NFKBIZ: variants seen among roughly 807,000 people sequenced by gnomAD.
NFKBIZ encodes the protein NFKB inhibitor zeta.
A neutral mutation model predicts 76.8 loss-of-function variants in NFKBIZ; 19 were observed. That is an observed-to-expected ratio of 0.25 (90% CI 0.17 to 0.36). NFKBIZ has a LOEUF of 0.36. Among genes scored for constraint, NFKBIZ ranks in the 10% least tolerant of loss-of-function variants. The probability of loss-of-function intolerance (pLI) is 1.00; values close to 1 mark genes in which losing one functional copy is unlikely to be tolerated. For synonymous variants in NFKBIZ, 368 were observed against 354.8 expected (o/e 1.04, Z -0.42); for missense variants, 829 against 910.9 (o/e 0.91, Z 1.16).
chr3:101,833,523 T>C lies in NFKBIZ; in HGVS notation c.-12+3835T>C, dbSNP rs1370555506. On this transcript the variant is annotated intron_variant, in intron 2 of 12. Transcript: ENST00000394054. ...GGCCATAAGAACTTTCTATGTTGTA[T>C]CTTTGCTATGGGAAAAGGAGGTGCG... Among the ~76,000 whole-genome samples the C allele has an allele frequency of 1.3e-5, 2 of 152,230 alleles. 1 individual carries two copies. The highest frequency in any genetic ancestry group is 2.9e-5 in the Non-Finnish European group (2 of 68,032).
At chr3:101,858,218 C>T in intron 11 of NFKBIZ, 1 of 985,102 alleles carries the variant, frequency 1.0e-6, no homozygotes, top group Non-Finnish European at 1.2e-6. Flanking sequence ...TGCAGTTTAG[C>T]TTTTTCTTTG....
chr3:101,848,664 CTG>C (rs1291255311), upstream of NFKBIZ, among the ~76,000 whole-genome samples: 1 of 152,154 alleles, frequency 6.6e-6, no homozygotes, highest in Non-Finnish European at 1.5e-5. Flanking sequence ...GCCAAAATTA[CTG>C]TGTTAGTTTA....
chr3:101,853,939 GGGTATAACAA>G, intron 5 of NFKBIZ, 76 bp downstream of exon 5: 2 of 1,430,986 alleles, frequency 1.4e-6, no homozygotes, highest in Non-Finnish European at 1.9e-6. Context: ...AATTTTTCTA[GGGTATAACAA>G]GGTATACCTT....
intron 2 of NFKBIZ, 116 bp downstream of exon 2, chr3:101,852,340 A>T: frequency 7.8e-7 from 1 of 1,280,406 alleles, no homozygotes; most frequent in East Asian, 2.3e-5. Flanking sequence ...TTTTCATAAG[A>T]TGACAAAGTC....
chr3:101,850,590 G>A (rs1158560854), intron 1 of NFKBIZ, among the ~76,000 whole-genome samples: 1 of 152,112 alleles, frequency 6.6e-6, no homozygotes, highest in African/African-American at 2.4e-5. Flanking sequence ...CATGGGCTGC[G>A]AATTGGTTTC....
At chr3:101,852,852 AATG>A in intron 3 of NFKBIZ, 31 bp from the exon 4 acceptor site, 6 of 1,605,570 alleles carry the variant, frequency 3.7e-6, no homozygotes, top group South Asian at 2.2e-5. Flanking sequence ...TATAAAATAA[AATG>A]ATGACAGAGG....
intron 1 of NFKBIZ, among the ~76,000 whole-genome samples, chr3:101,851,244 A>G (rs890417791): frequency 2.0e-5 from 3 of 152,274 alleles, no homozygotes; most frequent in Admixed American, 1.3e-4. Context: ...TTCAACACAC[A>G]TACTAAGAGG....
In NFKBIZ at chr3:101,853,767, G is replaced by A. The variant is rs1265520163; in HGVS notation, c.1241G>A (p.Gly414Glu). Residue 414 changes from glycine (G) to glutamate (E), a missense_variant, in exon 5 of 12, where the codon GGG becomes GAG. This residue lies in a region of NFKBIZ where 272 missense variants were observed against 384.2 expected (regional missense o/e 0.71). Coordinates refer to ENST00000326172, the MANE Select transcript of NFKBIZ (RefSeq NM_031419.4). Reference sequence around the variant, plus strand: ...AATCCAATGAACACCACACAGTTAGGGAAATCACTTTTTCAGTGGCAGGTG... The same window carrying A: ...AATCCAATGAACACCACACAGTTAGAGAAATCACTTTTTCAGTGGCAGGTG... ...MGNPMNTTQL[G>E]KSLFQWQVEQ... The A allele has an allele frequency of 2.5e-6, 4 of 1,614,142 alleles. No homozygotes were observed. Among genetic ancestry groups the A allele is most frequent in the Non-Finnish European group, 3.4e-6 (4 of 1,180,018 alleles).
chr3:101,852,596 A>G, intron 2 of NFKBIZ, 142 bp from the exon 3 acceptor site: 1 of 609,780 alleles, frequency 1.6e-6, no homozygotes, highest in Non-Finnish European at 2.8e-6. Flanking sequence ...AAAAATTGAT[A>G]TAGAAAATCA....
chr3:101,837,361 T>A (rs1942733568), intron 2 of NFKBIZ, among the ~76,000 whole-genome samples: 1 of 152,002 alleles, frequency 6.6e-6, no homozygotes, highest in Admixed American at 6.6e-5. Context: ...AGATGGGGAA[T>A]TCCTCCTTAA....
chr3:101,833,006 G>A (rs374559704), intron 2 of NFKBIZ, among the ~76,000 whole-genome samples: 3 of 152,204 alleles, frequency 2.0e-5, no homozygotes, highest in Non-Finnish European at 2.9e-5. Context: ...GTAAATCTGC[G>A]CAGTGATTCG....
At chr3:101,849,478 G>A, upstream of NFKBIZ, 3 of 604,742 alleles carry the variant, frequency 5.0e-6, no homozygotes, top group Non-Finnish European at 7.1e-6. Flanking sequence ...GAGCGCTGCG[G>A]CCCGTTAAAT....
intron 1 of NFKBIZ, among the ~76,000 whole-genome samples, chr3:101,851,442 A>G (rs1942960944): frequency 6.6e-6 from 1 of 152,250 alleles, no homozygotes. Flanking sequence ...AAGCTCAGTG[A>G]ATTTAAGCAG....
intron 2 of NFKBIZ, among the ~76,000 whole-genome samples, chr3:101,842,670 C>T (rs1485894066): frequency 6.7e-6 from 1 of 149,674 alleles, no homozygotes; most frequent in Non-Finnish European, 1.5e-5. Flanking sequence ...ATTCTTCTTC[C>T]AGTGTGGCCC....
chr3:101,841,832 T>C (rs566813316), intron 2 of NFKBIZ, among the ~76,000 whole-genome samples: 23 of 152,332 alleles, frequency 1.5e-4, no homozygotes, highest in Admixed American at 1.3e-3. Flanking sequence ...ATAATCCAAG[T>C]GCAGAGAATG....
In NFKBIZ at chr3:101,852,979, C is replaced by T. The variant is rs201429523; in HGVS notation, c.554C>T (p.Ser185Phe). Residue 185 changes from serine to phenylalanine, a missense_variant, in exon 4 of 12, where the codon TCC becomes TTC. By Grantham distance (155) the Ser-to-Phe change is radical. This residue lies in a region of NFKBIZ where 371 missense variants were observed against 332.3 expected (regional missense o/e 1.12). Transcript: ENST00000326172. ...TGCAAAAGGCCAGCTCTGTTGCATT[C>T]CCAATTTTTGGTAAGTATCTCACCA... is the stretch of plus-strand genomic sequence containing the variant. ...PACKRPALLH[S>F]QFLTPPQTPT... 6.2e-7 allele frequency: 1 copy of T among 1,614,094 alleles called. No homozygotes were observed. The highest frequency in any genetic ancestry group is 1.1e-5 in the South Asian group (1 of 91,060).
chr3:101,858,253 A>G, intron 11 of NFKBIZ: 5 of 979,280 alleles, frequency 5.1e-6, no homozygotes, highest in Non-Finnish European at 6.1e-6. Flanking sequence ...TTATGACCAT[A>G]ATGTTATAGT....
chr3:101,852,445 A>G (rs964906936), intron 2 of NFKBIZ, among the ~76,000 whole-genome samples: 1 of 152,266 alleles, frequency 6.6e-6, no homozygotes, highest in Non-Finnish European at 1.5e-5. Context: ...CAATGAATAA[A>G]TAAATGAAGG....
chr3:101,856,908 G>T (rs1471765489), intron 9 of NFKBIZ, 165 bp from the exon 10 acceptor site: 5 of 567,352 alleles, frequency 8.8e-6, no homozygotes, highest in East Asian at 2.8e-5. Flanking sequence ...AGGAATAAAA[G>T]ATTCCATTTA....
Sources: gnomAD v4.1 joint callset for allele counts (sites outside exome capture counted in the v4.1 genomes callset) on GRCh38, gnomAD v4.1.1 for gene constraint, gnomAD v4.1.1 regional missense constraint, MANE v1.5 for transcripts, NCBI Gene and HGNC (gene_info 2026-07-23, HGNC 2026-07-21) for gene names.